CLCA1: variants seen among roughly 807,000 people sequenced by gnomAD.
The protein encoded by CLCA1 is calcium-activated chloride channel regulator 1.
Under a neutral mutation model 85.6 loss-of-function variants are expected in CLCA1, and 59 were observed. That is an observed-to-expected ratio of 0.69 (90% confidence interval 0.56 to 0.86). CLCA1 has a LOEUF of 0.86. Among genes scored for constraint, CLCA1 ranks in the 40% least tolerant of loss-of-function variants. The probability of loss-of-function intolerance (pLI) is 0.00; values close to 1 mark genes in which losing one functional copy is unlikely to be tolerated. For synonymous variants in CLCA1, 396 were observed against 398.3 expected (o/e 0.99, Z 0.07); for missense variants, 1,022 against 1,101.4 (o/e 0.93, Z 1.02).
In CLCA1 at chr1:86,500,030, G is replaced by T; in HGVS notation, c.2730G>T (p.Gln910His). 13 of 1,608,326 alleles carry T rather than the reference G, an allele frequency of 8.1e-6. No individual in the cohort carries two copies. Among genetic ancestry groups the T allele is most frequent in the Non-Finnish European group, 1.1e-5 (13 of 1,175,116 alleles). The change falls in exon 14 of 14, where the codon CAG (glutamine) becomes CAT (histidine). Residue 910 changes from glutamine (Q) to histidine (H), a missense_variant. By Grantham distance (24) the Gln-to-His change is conservative. Transcript: ENST00000394711. ...TGTGGAAGTGGATAGGAGAACTGCA[G>T]CTGTCAATAGCCTAGGGCTGAATTT... ...KIMWKWIGEL[Q>H]LSIA
At chr1:86,486,254 C>T (rs1441899354) in intron 6 of CLCA1, among the ~76,000 whole-genome samples, 1 of 152,184 alleles carries the variant, frequency 6.6e-6, no homozygotes, top group South Asian at 2.1e-4. Context: ...TCACCTGATA[C>T]AGAACTTACC....
chr1:86,473,550 AC>A lies in CLCA1; in HGVS notation c.297del (p.Tyr99Ter), dbSNP rs774355590. 1 of 1,585,736 alleles carries A rather than the reference AC, an allele frequency of 6.3e-7. No homozygotes were observed. Among genetic ancestry groups the A allele is most frequent in the Admixed American group, 1.8e-5 (1 of 55,572 alleles). ...ADYVRPKLET[Y>X]KNADVLVAES... ...TATGTGAGACCAAAACTTGAGACCT[AC>A]AAAAATGTGAGAATATCAAGTTCTT... On this transcript the variant is annotated frameshift_variant, in exon 2 of 14. Transcript: ENST00000394711. LOFTEE classifies it high-confidence loss of function.
chr1:86,477,420 A>G (rs908627046), intron 4 of CLCA1, among the ~76,000 whole-genome samples: 2 of 152,208 alleles, frequency 1.3e-5, no homozygotes, highest in Non-Finnish European at 2.9e-5. Flanking sequence ...AATCAAGTAC[A>G]ACACTTGGAA....
In CLCA1 at chr1:86,485,573, G is replaced by A. The variant is rs745466504; in HGVS notation, c.954+12G>A. The A allele has an allele frequency of 1.8e-5, 29 of 1,611,958 alleles. 1 individual carries two copies. The South Asian group carries it at 2.4e-4, about 13-fold the overall frequency. ...CTGGAAGCATGGCGGTATGTTCAAT[G>A]AGTCTTGGTCTTCTGGATGCTGGTC... On this transcript the variant is annotated intron_variant, in intron 6 of 13. Transcript: ENST00000394711.
chr1:86,478,148 G>T (rs772521710), intron 4 of CLCA1, among the ~76,000 whole-genome samples: 1 of 152,070 alleles, frequency 6.6e-6, no homozygotes, highest in Admixed American at 6.5e-5. Context: ...CATCAAGTGG[G>T]CCGGGCATGG....
chr1:86,475,135 C>T (rs1647608288), intron 3 of CLCA1, among the ~76,000 whole-genome samples: 1 of 152,158 alleles, frequency 6.6e-6, no homozygotes, highest in South Asian at 2.1e-4. Flanking sequence ...GACCTGACTG[C>T]CTCATCCCAC....
chr1:86,494,259 A>G lies in CLCA1; in HGVS notation c.1753A>G (p.Asn585Asp). Residue 585 changes from asparagine (N) to aspartate (D), a missense_variant, in exon 11 of 14, where the codon AAT (asparagine) becomes GAT (aspartate). Transcript: ENST00000394711. ...CCTGACTGTCACGTCCCGTGCGTCC[A>G]ATGCTACCCTGCCTCCAATTACAGT... is the stretch of plus-strand genomic sequence containing the variant. ...LTLTVTSRAS[N>D]ATLPPITVTS... 2 of 1,614,232 alleles carry G rather than the reference A, an allele frequency of 1.2e-6. No homozygotes were observed. Among genetic ancestry groups the G allele is most frequent in the Non-Finnish European group, 1.7e-6 (2 of 1,180,042 alleles).
intron 9 of CLCA1, among the ~76,000 whole-genome samples, chr1:86,492,246 T>C (rs5744391): frequency 0.032 from 4,824 of 152,292 alleles, 274 homozygotes; most frequent in African/African-American, 0.11. Flanking sequence ...ATGGAGCATT[T>C]ATTCAATCTA....
chr1:86,474,832 C>T (rs1647601516), intron 3 of CLCA1, among the ~76,000 whole-genome samples: 1 of 152,142 alleles, frequency 6.6e-6, no homozygotes, highest in Non-Finnish European at 1.5e-5. Context: ...AATGTACTTT[C>T]CAAGAATCAA....
At position 86,493,546 on chromosome 1, in the gene CLCA1, G is replaced by C; in HGVS notation, c.1627G>C (p.Val543Leu). The change falls in exon 10 of 14, where the codon GTA (valine) becomes CTA (leucine). Residue 543 changes from valine to leucine, a missense_variant. Transcript: ENST00000394711. ...CAGTGGACAGAAGCAAGGTGGCTTTGTAGTGGACAAAAACACCAAAATGGC... is the reference window on the plus strand; with the variant it reads ...CAGTGGACAGAAGCAAGGTGGCTTTCTAGTGGACAAAAACACCAAAATGGC... The part of the protein sequence containing the change: ...DPSGQKQGGF[V>L]VDKNTKMAYL... 1 of 1,614,178 alleles carries C rather than the reference G, an allele frequency of 6.2e-7. No homozygotes were observed. Among genetic ancestry groups the C allele is most frequent in the Non-Finnish European group, 8.5e-7 (1 of 1,180,020 alleles).
intron 12 of CLCA1, among the ~76,000 whole-genome samples, chr1:86,497,235 T>G (rs1648316447): frequency 1.3e-5 from 2 of 152,250 alleles, no homozygotes; most frequent in African/African-American, 4.8e-5. Flanking sequence ...GAAGGCCATG[T>G]TCTTCCCTCT....
At chr1:86,486,473 T>C in intron 6 of CLCA1, 53 bp from the exon 7 acceptor site, 1 of 1,537,930 alleles carries the variant, frequency 6.5e-7, no homozygotes, top group Non-Finnish European at 9.0e-7. Context: ...CCTTTTCTGT[T>C]ATTAGTCTTT....
intron 12 of CLCA1, among the ~76,000 whole-genome samples, chr1:86,497,177 G>A (rs1451775575): frequency 6.6e-6 from 1 of 152,196 alleles, no homozygotes; most frequent in Non-Finnish European, 1.5e-5. Flanking sequence ...AAGCTAGAGA[G>A]CTTATGGGTT....
At chr1:86,474,752 A>G (rs1287316914) in intron 3 of CLCA1, among the ~76,000 whole-genome samples, 4 of 152,338 alleles carry the variant, frequency 2.6e-5, no homozygotes, top group South Asian at 4.1e-4. Flanking sequence ...AATAAACTTT[A>G]TCATTTGTAT....
At chr1:86,471,796 A>G (rs562335169) in intron 1 of CLCA1, among the ~76,000 whole-genome samples, 1 of 152,274 alleles carries the variant, frequency 6.6e-6, no homozygotes, top group African/African-American at 2.4e-5. Context: ...ACTATTTGAA[A>G]GGGAGAAATT....
intron 13 of CLCA1, among the ~76,000 whole-genome samples, chr1:86,499,015 G>A (rs1375777432): frequency 6.6e-6 from 1 of 152,210 alleles, no homozygotes; most frequent in South Asian, 2.1e-4. Context: ...GGAGTAAGAG[G>A]CTTCAGCCAG....
At chr1:86,483,936 C>A (rs369525520) in intron 5 of CLCA1, among the ~76,000 whole-genome samples, 143 of 152,184 alleles carry the variant, frequency 9.4e-4, no homozygotes, top group South Asian at 5.2e-3. Flanking sequence ...GGAAACTTAC[C>A]ATCATGGTGG....
At chr1:86,481,135 ATT>A (rs970691326) in intron 4 of CLCA1, among the ~76,000 whole-genome samples, 1 of 151,474 alleles carries the variant, frequency 6.6e-6, no homozygotes, top group Admixed American at 6.6e-5. Context: ...CACATTTTGA[ATT>A]TTTTTTTCTT....
chr1:86,476,209 G>GC (rs1219121477), intron 3 of CLCA1, among the ~76,000 whole-genome samples: 1 of 152,202 alleles, frequency 6.6e-6, no homozygotes, highest in Non-Finnish European at 1.5e-5. Flanking sequence ...TAGGGCAGCT[G>GC]TTTGTGTCTG....
Sources: allele counts gnomAD v4.1 joint callset (sites outside exome capture counted in the v4.1 genomes callset), GRCh38; gene constraint gnomAD v4.1.1; transcripts MANE v1.5; gene names NCBI Gene and HGNC (gene_info 2026-07-23, HGNC 2026-07-21).